UBQLN1: variants seen among roughly 807,000 people sequenced by gnomAD.
UBQLN1 encodes the protein ubiquilin-1.
Under a neutral mutation model 65.4 loss-of-function variants are expected in UBQLN1, and 13 were observed. The ratio of observed to expected loss-of-function variants is 0.20; its 90% CI spans 0.13 to 0.32. The LOEUF (loss-of-function observed/expected upper bound fraction) is 0.32. UBQLN1 is among the 10% of genes least tolerant of loss of function. UBQLN1 has a pLI of 1.00. For synonymous variants in UBQLN1, 267 were observed against 247.8 expected (o/e 1.08, Z -0.73); for missense variants, 561 against 724.0 (o/e 0.77, Z 2.58).
chr9:83,662,057 A>G (rs937951377), intron 10 of UBQLN1, 118 bp from the exon 11 acceptor site: 4 of 836,854 alleles, frequency 4.8e-6, no homozygotes, highest in Non-Finnish European at 3.6e-6. Flanking sequence ...GAGCTTTAAA[A>G]ACACTGCCCA....
At position 83,678,522 on chromosome 9, in the gene UBQLN1, T is replaced by C; in HGVS notation, c.789A>G (p.Glu263=). The change falls in exon 5 of 11, where the codon GAA becomes GAG. Residue 263 remains glutamate, a synonymous_variant. Coordinates refer to ENST00000376395, the MANE Select transcript of UBQLN1 (RefSeq NM_013438.5). ...AAGCATTATATCCCCCTGGGATGCT[T>C]TCTAGGTTGCTCAAAGCTCGGTCCT... is the stretch of plus-strand genomic sequence containing the variant. ...RNQDRALSNL[E]SIPGGYNALR... is the part of the protein sequence containing the mutation. 2.5e-6 allele frequency: 4 copies of C among 1,614,028 alleles called. No individual in the cohort carries two copies. Among genetic ancestry groups the C allele is most frequent in the Non-Finnish European group, 3.4e-6 (4 of 1,179,974 alleles).
At chr9:83,674,588 C>T (rs976485162) in intron 6 of UBQLN1, among the ~76,000 whole-genome samples, 4 of 152,136 alleles carry the variant, frequency 2.6e-5, no homozygotes, top group South Asian at 4.1e-4. Flanking sequence ...TTGCAGTAAC[C>T]AAATGTGTCC....
rs779737724 is a variant in UBQLN1, at chr9:83,669,337, T to C, written c.1106-10A>G. ...GTGTTGAACATACTAGCTGAAAGTTTGTTTTTAAAAAAGACATATTAAGGA... is the reference window on the plus strand; with the variant it reads ...GTGTTGAACATACTAGCTGAAAGTTCGTTTTTAAAAAAGACATATTAAGGA... On this transcript the variant is annotated splice_polypyrimidine_tract_variant and intron_variant, in intron 6 of 10. Transcript: ENST00000376395. 62 of 1,574,750 alleles carry C rather than the reference T, an allele frequency of 3.9e-5. No homozygotes were observed. The highest frequency in any genetic ancestry group is 5.1e-5 in the Non-Finnish European group (60 of 1,169,100).
chr9:83,663,226 G>A (rs987791719), intron 10 of UBQLN1, among the ~76,000 whole-genome samples: 1 of 152,076 alleles, frequency 6.6e-6, no homozygotes, highest in African/African-American at 2.4e-5. Context: ...AAAGAAAACA[G>A]AAAGCACCTA....
Position 83,669,198 on chromosome 9 carries a change from T to A in UBQLN1, c.1235A>T (p.Asp412Val), listed in dbSNP as rs745467551. 1 of 1,610,584 alleles carries A rather than the reference T, an allele frequency of 6.2e-7. No individual in the cohort carries two copies. ...SMMQSLSQNP[D>V]LAAQMMLNNP... is the part of the protein sequence containing the mutation. Reference sequence around the variant, plus strand: ...TTACAAACTCACCTGTGCAGCAAGGTCAGGATTCTGGCTTAGTGACTGCAT... The same window carrying A: ...TTACAAACTCACCTGTGCAGCAAGGACAGGATTCTGGCTTAGTGACTGCAT... The change falls in exon 7 of 11, where the codon GAC (aspartate) becomes GTC (valine). Residue 412 changes from aspartate (D) to valine (V), a missense_variant. Transcript: ENST00000376395.
chr9:83,688,923 A>AT (rs1177056642), intron 1 of UBQLN1, among the ~76,000 whole-genome samples: 4 of 152,146 alleles, frequency 2.6e-5, no homozygotes, highest in Admixed American at 1.3e-4. Context: ...AAAAAATAGT[A>AT]TTTTTTAAGC....
chr9:83,691,907 A>G (rs563287897), intron 1 of UBQLN1, among the ~76,000 whole-genome samples: 88 of 152,374 alleles, frequency 5.8e-4, no homozygotes, highest in Non-Finnish European at 1.1e-3. Flanking sequence ...AGGGAACTAC[A>G]GACAACTGCA....
chr9:83,703,263 T>C (rs1832341331), intron 1 of UBQLN1, among the ~76,000 whole-genome samples: 1 of 152,036 alleles, frequency 6.6e-6, no homozygotes, highest in African/African-American at 2.4e-5. Context: ...AATCCAAAAA[T>C]ATGAAATCTG....
Position 83,673,545 on chromosome 9 carries a change from TTAA to T in UBQLN1, c.1105+4179_1105+4181del, listed in dbSNP as rs1164701266. Among the ~76,000 whole-genome samples, 300 of 68,034 alleles carry T rather than the reference TTAA, an allele frequency of 4.4e-3. 6 individuals are homozygous for T. Among genetic ancestry groups the T allele is most frequent in the African/African-American group, 0.021 (286 of 13,768 alleles). 44.6% of individuals were successfully genotyped at this position (68,034 alleles called of 152,430 possible). A position where few individuals can be genotyped will look rare whatever the true frequency, so the allele number is the denominator to read the frequency against. On this transcript the variant is annotated intron_variant, in intron 6 of 10. Coordinates refer to ENST00000376395, the MANE Select transcript of UBQLN1 (RefSeq NM_013438.5). ...GGGTGACAGGTCGAGACTCGGTCTT[TTAA>T]AAAAAAAAAAAAAAAAAAACAAAAA...
At chr9:83,704,601 C>G (rs972811726) in intron 1 of UBQLN1, among the ~76,000 whole-genome samples, 6 of 152,108 alleles carry the variant, frequency 3.9e-5, no homozygotes, top group Non-Finnish European at 7.4e-5. Flanking sequence ...CCGAGGCAGG[C>G]GGATCACAAG....
At chr9:83,704,680 C>A (rs1207836850) in intron 1 of UBQLN1, among the ~76,000 whole-genome samples, 1 of 151,872 alleles carries the variant, frequency 6.6e-6, no homozygotes, top group Non-Finnish European at 1.5e-5. Flanking sequence ...GGAAAATTAG[C>A]CGGGTGTGGT....
At chr9:83,695,461 G>A (rs1039473803) in intron 1 of UBQLN1, among the ~76,000 whole-genome samples, 1 of 152,204 alleles carries the variant, frequency 6.6e-6, no homozygotes. Context: ...GCCTCCCGAA[G>A]TGCTGGACTT....
intron 6 of UBQLN1, among the ~76,000 whole-genome samples, chr9:83,669,941 G>T (rs903193240): frequency 2.6e-5 from 4 of 152,134 alleles, no homozygotes; most frequent in Admixed American, 2.6e-4. Flanking sequence ...GTTATCTAGC[G>T]TCTTCATACT....
intron 6 of UBQLN1, 69 bp downstream of exon 6, chr9:83,677,658 G>T: frequency 9.0e-7 from 1 of 1,115,032 alleles, no homozygotes; most frequent in Non-Finnish European, 1.3e-6. Context: ...AAGAATAAGA[G>T]TATAAACAAT....
chr9:83,699,329 A>G (rs933086326), intron 1 of UBQLN1, among the ~76,000 whole-genome samples: 4 of 152,218 alleles, frequency 2.6e-5, no homozygotes, highest in African/African-American at 7.2e-5. Context: ...GGAAAATTAC[A>G]TATGTGGCTC....
At chr9:83,690,755 AAC>A (rs1832113724) in intron 1 of UBQLN1, among the ~76,000 whole-genome samples, 1 of 151,302 alleles carries the variant, frequency 6.6e-6, no homozygotes, top group Admixed American at 6.6e-5. Flanking sequence ...CAAAAAAAAA[AAC>A]AAGAACAGAA....
chr9:83,684,768 C>T (rs997908397), intron 2 of UBQLN1, among the ~76,000 whole-genome samples: 1 of 150,720 alleles, frequency 6.6e-6, no homozygotes, highest in African/African-American at 2.4e-5. Context: ...TGAGATCGCA[C>T]CGTTGCACTC....
chr9:83,676,423 A>T (rs1831833118), intron 6 of UBQLN1, among the ~76,000 whole-genome samples: 1 of 152,244 alleles, frequency 6.6e-6, no homozygotes, highest in Non-Finnish European at 1.5e-5. Flanking sequence ...TTAACCAGTC[A>T]GGAAATATGA....
At chr9:83,704,846 A>T (rs1832372059) in intron 1 of UBQLN1, among the ~76,000 whole-genome samples, 1 of 151,104 alleles carries the variant, frequency 6.6e-6, no homozygotes, top group Admixed American at 6.6e-5. Flanking sequence ...AAAAAAAAAA[A>T]TCTCACTTTG....
Sources: allele counts gnomAD v4.1 joint callset (sites outside exome capture counted in the v4.1 genomes callset), GRCh38; gene constraint gnomAD v4.1.1; transcripts MANE v1.5; gene names NCBI Gene and HGNC (gene_info 2026-07-23, HGNC 2026-07-21).